The following SCD5 variants were observed in gnomAD, a reference collection of about 807,000 sequenced individuals.
SCD5 encodes stearoyl-CoA desaturase 5.
SCD5 carries 20 observed loss-of-function variants against 30.4 expected under a neutral mutation model. That is an observed-to-expected ratio of 0.66 (90% CI 0.46 to 0.96). The LOEUF (loss-of-function observed/expected upper bound fraction) is 0.96. Ranked by LOEUF, SCD5 falls within the 40% of genes least tolerant of loss-of-function variation. SCD5 has a pLI of 0.00. For missense variants in SCD5, 381 were observed against 443.3 expected (o/e 0.86, Z 1.26); for synonymous variants, 173 against 176.4 (o/e 0.98, Z 0.16).
intron 1 of SCD5, among the ~76,000 whole-genome samples, chr4:82,767,912 G>A (rs1198496709): frequency 6.6e-6 from 1 of 152,092 alleles, no homozygotes; most frequent in East Asian, 1.9e-4. Context: ...CCCACAGCAT[G>A]AGGCATAAAT....
intron 1 of SCD5, among the ~76,000 whole-genome samples, chr4:82,764,239 A>G (rs549622690): frequency 2.7e-4 from 41 of 152,232 alleles, no homozygotes; most frequent in Admixed American, 5.9e-4. Context: ...GCCACATGTG[A>G]CTAGGTAGAA....
At position 82,693,051 on chromosome 4, in the gene SCD5, C is replaced by T. The variant is rs990800557; in HGVS notation, c.364-12139G>A. 5.3e-5 allele frequency among the ~76,000 whole-genome samples: 8 copies of T among 152,318 alleles called. No homozygotes were observed. The South Asian group carries it at 1.2e-3, about 24-fold the overall frequency. On this transcript the variant is annotated intron_variant, in intron 2 of 4. Transcript: ENST00000319540. ...ACTTTGGACTCAGTGTGACCCTGAT[C>T]AGACACCCTGGTTGGATGGGGGTGG...
chr4:82,645,238 C>T (rs890720800), intron 3 of SCD5, among the ~76,000 whole-genome samples: 3 of 151,122 alleles, frequency 2.0e-5, no homozygotes, highest in Non-Finnish European at 4.4e-5. Flanking sequence ...CGCTTGAACC[C>T]GGGAGGTGGA....
chr4:82,742,994 G>C (rs1436170200), intron 1 of SCD5, among the ~76,000 whole-genome samples: 2 of 152,192 alleles, frequency 1.3e-5, no homozygotes, highest in Admixed American at 6.5e-5. Context: ...TGTGTAAGGA[G>C]AGAAAGACGC....
chr4:82,764,933 G>T (rs1308890039), intron 1 of SCD5, among the ~76,000 whole-genome samples: 4 of 152,016 alleles, frequency 2.6e-5, no homozygotes, highest in Non-Finnish European at 5.9e-5. Context: ...CACCATGTTG[G>T]TCAGGCTAGT....
intron 1 of SCD5, among the ~76,000 whole-genome samples, chr4:82,780,821 G>A (rs1295501766): frequency 6.6e-6 from 1 of 152,248 alleles, no homozygotes; most frequent in African/African-American, 2.4e-5. Flanking sequence ...GAGGCCCCAG[G>A]GGGCCAGCCT....
chr4:82,662,762 A>G (rs1184960506), intron 3 of SCD5, among the ~76,000 whole-genome samples: 1 of 150,080 alleles, frequency 6.7e-6, no homozygotes, highest in Non-Finnish European at 1.5e-5. Flanking sequence ...TGGGAGGCTG[A>G]GGCAGGAGAA....
At chr4:82,638,225 C>T (rs1464595296) in intron 3 of SCD5, among the ~76,000 whole-genome samples, 1 of 152,094 alleles carries the variant, frequency 6.6e-6, no homozygotes, top group African/African-American at 2.4e-5. Context: ...GGACATGCCT[C>T]TTTTTATTCT....
chr4:82,783,763 A>G lies in SCD5; in HGVS notation c.232+14543T>C, dbSNP rs188869224. 1.8e-3 allele frequency among the ~76,000 whole-genome samples: 266 copies of G among 151,576 alleles called. 2 individuals carry two copies. The highest frequency in any genetic ancestry group is 6.0e-3 in the African/African-American group (248 of 41,332). ...GGTTGCAGTGAGCCGAGATCGCACC[A>G]TTGCACTCCAGCCTGGGCAACAAGA... On this transcript the variant is annotated intron_variant, in intron 1 of 4. Coordinates refer to ENST00000319540, the MANE Select transcript of SCD5 (RefSeq NM_001037582.3).
intron 1 of SCD5, among the ~76,000 whole-genome samples, chr4:82,792,489 C>T (rs1560565117): frequency 6.6e-6 from 1 of 152,290 alleles, no homozygotes; most frequent in Admixed American, 6.5e-5. Flanking sequence ...GCAGGAGGAT[C>T]GCTGGATCCC....
intron 3 of SCD5, among the ~76,000 whole-genome samples, chr4:82,671,314 A>G (rs10032027): frequency 0.23 from 35,028 of 152,060 alleles, 4,706 homozygotes; most frequent in East Asian, 0.4. Flanking sequence ...ACAGCCCACT[A>G]TCAGAAACAA....
At chr4:82,667,866 G>A (rs991623173) in intron 3 of SCD5, among the ~76,000 whole-genome samples, 6 of 152,178 alleles carry the variant, frequency 3.9e-5, no homozygotes, top group African/African-American at 1.2e-4. Flanking sequence ...TGAGGGCAGA[G>A]TAACAGAGAC....
At chr4:82,709,292 C>G (rs944270719) in intron 1 of SCD5, among the ~76,000 whole-genome samples, 2 of 152,198 alleles carry the variant, frequency 1.3e-5, no homozygotes, top group Admixed American at 1.3e-4. Flanking sequence ...TCAGCCTCGG[C>G]TTGTCATAAA....
chr4:82,795,914 C>T (rs1722202605), intron 1 of SCD5, among the ~76,000 whole-genome samples: 1 of 144,366 alleles, frequency 6.9e-6, no homozygotes, highest in African/African-American at 2.5e-5. Flanking sequence ...GACCTTAAAA[C>T]TCTAATATCT....
chr4:82,793,187 G>A (rs1220041436), intron 1 of SCD5, among the ~76,000 whole-genome samples: 2 of 152,202 alleles, frequency 1.3e-5, no homozygotes, highest in Non-Finnish European at 2.9e-5. Flanking sequence ...GAGCATTAAA[G>A]TTTTTTAAAT....
chr4:82,744,852 G>T (rs751601283), intron 1 of SCD5, among the ~76,000 whole-genome samples: 6 of 151,774 alleles, frequency 4.0e-5, no homozygotes, highest in African/African-American at 7.3e-5. Context: ...GGTGGAGCGA[G>T]AGGGAAAGGG....
At chr4:82,752,905 G>A (rs1721136695) in intron 1 of SCD5, among the ~76,000 whole-genome samples, 1 of 152,152 alleles carries the variant, frequency 6.6e-6, no homozygotes, top group Non-Finnish European at 1.5e-5. Flanking sequence ...AGTGATAAAA[G>A]GGAGGTCCTC....
intron 3 of SCD5, among the ~76,000 whole-genome samples, chr4:82,641,864 GAGT>G (rs1443393072): frequency 6.6e-6 from 1 of 152,000 alleles, no homozygotes; most frequent in Non-Finnish European, 1.5e-5. Flanking sequence ...AGAAAGAGTG[GAGT>G]CAAGGATGAC....
chr4:82,763,191 T>C (rs527368525), intron 1 of SCD5, among the ~76,000 whole-genome samples: 1 of 152,300 alleles, frequency 6.6e-6, no homozygotes, highest in East Asian at 1.9e-4. Context: ...TGTGACTGTT[T>C]TGTATTTGGA....
Sources: gnomAD v4.1 joint callset for allele counts (sites outside exome capture counted in the v4.1 genomes callset) on GRCh38, gnomAD v4.1.1 for gene constraint, MANE v1.5 for transcripts, NCBI Gene and HGNC (gene_info 2026-07-23, HGNC 2026-07-21) for gene names.